TRAPPC9: variants seen among roughly 807,000 people sequenced by gnomAD.
TRAPPC9 encodes trafficking protein particle complex subunit 9.
Under a neutral mutation model 124.0 loss-of-function variants are expected in TRAPPC9, and 83 were observed. That is an observed-to-expected ratio of 0.67 (90% CI 0.56 to 0.80). TRAPPC9 has a LOEUF of 0.80. Ranked by LOEUF, TRAPPC9 falls within the 30% of genes least tolerant of loss-of-function variation. TRAPPC9 has a pLI of 0.00. For missense variants in TRAPPC9, 1,302 were observed against 1,508.3 expected (o/e 0.86, Z 2.27); for synonymous variants, 638 against 617.5 (o/e 1.03, Z -0.49).
At chr8:140,440,717 G>A (rs1036897000) in intron 2 of TRAPPC9, among the ~76,000 whole-genome samples, 1 of 151,954 alleles carries the variant, frequency 6.6e-6, no homozygotes, top group Non-Finnish European at 1.5e-5. Flanking sequence ...GCTCAATTCA[G>A]TCGTAGGGAG....
intron 17 of TRAPPC9, among the ~76,000 whole-genome samples, chr8:140,128,806 G>A (rs1014120653): frequency 2.0e-5 from 3 of 151,996 alleles, no homozygotes; most frequent in African/African-American, 4.8e-5. Flanking sequence ...CCCTCCTGGC[G>A]ATGGGTCAGT....
chr8:140,032,743 A>T (rs954309959), intron 17 of TRAPPC9, among the ~76,000 whole-genome samples: 1 of 152,234 alleles, frequency 6.6e-6, no homozygotes, highest in Non-Finnish European at 1.5e-5. Flanking sequence ...TTTCTGAAAG[A>T]TATATTTTTC....
chr8:140,415,036 G>A (rs2069861605), intron 5 of TRAPPC9, among the ~76,000 whole-genome samples: 1 of 152,034 alleles, frequency 6.6e-6, no homozygotes, highest in South Asian at 2.1e-4. Context: ...CACCACGCCT[G>A]GCCTAGAAAT....
intron 21 of TRAPPC9, among the ~76,000 whole-genome samples, chr8:139,781,883 A>T (rs1213409052): frequency 1.3e-5 from 2 of 152,228 alleles, no homozygotes; most frequent in African/African-American, 4.8e-5. Context: ...AGAGAAAAAT[A>T]GAACAAAGAA....
intron 8 of TRAPPC9, among the ~76,000 whole-genome samples, chr8:140,364,030 C>G (rs922578585): frequency 6.6e-6 from 1 of 151,990 alleles, no homozygotes; most frequent in Admixed American, 6.6e-5. Flanking sequence ...CTGAAAGGAC[C>G]ACTGAGGACC....
At chr8:140,428,869 A>G (rs2070523654) in intron 4 of TRAPPC9, among the ~76,000 whole-genome samples, 1 of 152,144 alleles carries the variant, frequency 6.6e-6, no homozygotes, top group African/African-American at 2.4e-5. Context: ...TGCAAACCGC[A>G]GTGCACTCTC....
At chr8:140,313,565 T>C (rs551713568) in intron 9 of TRAPPC9, among the ~76,000 whole-genome samples, 6 of 152,154 alleles carry the variant, frequency 3.9e-5, no homozygotes, top group Non-Finnish European at 8.8e-5. Context: ...GAATGTCCTA[T>C]GTAGGGATAT....
chr8:140,317,766 T>C (rs2066479229), intron 9 of TRAPPC9, among the ~76,000 whole-genome samples: 1 of 152,218 alleles, frequency 6.6e-6, no homozygotes. Context: ...TACTATGTTC[T>C]TTAGACTATA....
intron 5 of TRAPPC9, among the ~76,000 whole-genome samples, chr8:140,415,751 T>C (rs961474535): frequency 6.6e-6 from 1 of 152,056 alleles, no homozygotes; most frequent in African/African-American, 2.4e-5. Context: ...AGAAGATCAC[T>C]TGAGGCCAGG....
intron 14 of TRAPPC9, among the ~76,000 whole-genome samples, chr8:140,277,495 A>G (rs2065163035): frequency 6.6e-6 from 1 of 152,272 alleles, no homozygotes; most frequent in Non-Finnish European, 1.5e-5. Flanking sequence ...GGAAAAACAT[A>G]AAACACTGCC....
chr8:140,449,645 C>T (rs996047258), intron 2 of TRAPPC9, among the ~76,000 whole-genome samples: 3 of 152,222 alleles, frequency 2.0e-5, no homozygotes, highest in African/African-American at 7.2e-5. Context: ...TGTTTAGGAG[C>T]TCCCAGGTGG....
At chr8:139,791,372 ACACT>A (rs1445557503) in intron 21 of TRAPPC9, among the ~76,000 whole-genome samples, 2 of 138,360 alleles carry the variant, frequency 1.4e-5, no homozygotes, top group African/African-American at 2.8e-5. Context: ...TCCCCTGCAC[ACACT>A]CACACAGGTA....
chr8:139,910,329 A>C, intron 19 of TRAPPC9, 29 bp from the exon 20 acceptor site: 1 of 1,613,956 alleles, frequency 6.2e-7, no homozygotes, highest in Non-Finnish European at 8.5e-7. Context: ...CACAGCAGAG[A>C]ATTCATCAGT....
chr8:140,382,322 G>A (rs1170501883), intron 7 of TRAPPC9, among the ~76,000 whole-genome samples: 1 of 152,210 alleles, frequency 6.6e-6, no homozygotes, highest in African/African-American at 2.4e-5. Context: ...CATCGAGCAT[G>A]GGCCGAAGCA....
intron 17 of TRAPPC9, among the ~76,000 whole-genome samples, chr8:140,028,668 G>A (rs1371911035): frequency 6.6e-6 from 1 of 152,254 alleles, no homozygotes; most frequent in Non-Finnish European, 1.5e-5. Flanking sequence ...CCCAGGGACT[G>A]TGGCACTTGA....
At chr8:139,756,587 A>AT in intron 21 of TRAPPC9, among the ~76,000 whole-genome samples, 1 of 92,956 alleles carries the variant, frequency 1.1e-5, no homozygotes, top group African/African-American at 4.4e-5. Flanking sequence ...GGAGCCCGGG[A>AT]TGGGGTATAA....
chr8:140,109,433 T>C (rs976481488), intron 17 of TRAPPC9, among the ~76,000 whole-genome samples: 4 of 152,038 alleles, frequency 2.6e-5, no homozygotes, highest in African/African-American at 9.7e-5. Context: ...CCTAGCAAAA[T>C]ATGATTGCCA....
intron 17 of TRAPPC9, among the ~76,000 whole-genome samples, chr8:140,062,187 C>T (rs2132147081): frequency 6.6e-6 from 1 of 152,282 alleles, no homozygotes; most frequent in East Asian, 1.9e-4. Context: ...GATGGACCTG[C>T]CTGAAACCAG....
chr8:139,744,743 G>A (rs1818779766), intron 21 of TRAPPC9, among the ~76,000 whole-genome samples: 1 of 152,260 alleles, frequency 6.6e-6, no homozygotes, highest in Admixed American at 6.5e-5. Context: ...TCCTGGGAGG[G>A]CGGTGGTGCT....
Sources: allele counts gnomAD v4.1 joint callset (sites outside exome capture counted in the v4.1 genomes callset), GRCh38; gene constraint gnomAD v4.1.1; transcripts MANE v1.5; gene names NCBI Gene and HGNC (gene_info 2026-07-23, HGNC 2026-07-21).